The following CTNNA3 variants were observed in gnomAD, a reference collection of about 807,000 sequenced individuals.
CTNNA3 encodes the protein catenin alpha 3, also known as catenin alpha-3.
Under a neutral mutation model 95.7 loss-of-function variants are expected in CTNNA3, and 76 were observed. The observed-to-expected ratio is 0.79, with a 90% CI of 0.66 to 0.96. The LOEUF is 0.96. CTNNA3 is among the 40% of genes least tolerant of loss of function. The probability of loss-of-function intolerance (pLI) is 0.00; values close to 1 mark genes in which losing one functional copy is unlikely to be tolerated. For synonymous variants in CTNNA3, 431 were observed against 374.4 expected, an observed-to-expected ratio of 1.15 and a Z score of -1.74; for missense variants, 1,191 against 1,089.8, an observed-to-expected ratio of 1.09 and a Z score of -1.31.
intron 7 of CTNNA3, among the ~76,000 whole-genome samples, chr10:67,053,426 A>T (rs1855234403): frequency 6.6e-6 from 1 of 152,186 alleles, no homozygotes; most frequent in Non-Finnish European, 1.5e-5. Context: ...GAACATTTTT[A>T]TAATGTACTC....
rs188418108 is a variant in CTNNA3, at chr10:67,043,848, G to T, written c.1047+136469C>A. Reference sequence around the variant, plus strand: ...TACAGTGAGGACTACTTTTTTTTCTGTTTACTTCTATATGCCCAACATTCT... The same window carrying T: ...TACAGTGAGGACTACTTTTTTTTCTTTTTACTTCTATATGCCCAACATTCT... On this transcript the variant is annotated intron_variant, in intron 7 of 17. Transcript: ENST00000433211. Among the ~76,000 whole-genome samples, 33 of 151,374 alleles carry T rather than the reference G, an allele frequency of 2.2e-4. 1 individual carries two copies. The highest frequency in any genetic ancestry group is 6.8e-4 in the African/African-American group (28 of 41,296).
intron 3 of CTNNA3, among the ~76,000 whole-genome samples, chr10:67,581,963 G>T (rs1474524376): frequency 2.0e-5 from 3 of 151,364 alleles, no homozygotes; most frequent in Admixed American, 1.3e-4. Context: ...TTCTTTATTT[G>T]TCTTGATAGC....
At chr10:66,831,485 C>T (rs1190279027) in intron 7 of CTNNA3, among the ~76,000 whole-genome samples, 1 of 152,208 alleles carries the variant, frequency 6.6e-6, no homozygotes, top group East Asian at 1.9e-4. Flanking sequence ...CCTTACCTCT[C>T]AGGTTTGAAA....
intron 5 of CTNNA3, among the ~76,000 whole-genome samples, chr10:67,393,810 A>C (rs996176934): frequency 6.6e-6 from 1 of 152,174 alleles, no homozygotes; most frequent in Non-Finnish European, 1.5e-5. Context: ...GTTTCTACTA[A>C]AAAATAAAAA....
chr10:66,941,454 A>G (rs1847989505), intron 7 of CTNNA3, among the ~76,000 whole-genome samples: 1 of 152,236 alleles, frequency 6.6e-6, no homozygotes, highest in Non-Finnish European at 1.5e-5. Flanking sequence ...TAAAATTTAC[A>G]AATAAATCTT....
intron 15 of CTNNA3, among the ~76,000 whole-genome samples, chr10:66,014,588 A>G (rs1184049191): frequency 6.6e-6 from 1 of 152,186 alleles, no homozygotes; most frequent in African/African-American, 2.4e-5. Context: ...TTGGTCTAGT[A>G]TAAGTACTGT....
intron 5 of CTNNA3, among the ~76,000 whole-genome samples, chr10:67,360,389 C>T (rs1171747145): frequency 2.7e-5 from 4 of 147,008 alleles, no homozygotes; most frequent in Non-Finnish European, 6.0e-5. Context: ...ATAGATGCCC[C>T]ATCTAAAAGG....
chr10:66,739,305 G>A (rs973323176), intron 9 of CTNNA3, among the ~76,000 whole-genome samples: 2 of 152,186 alleles, frequency 1.3e-5, no homozygotes, highest in Non-Finnish European at 2.9e-5. Context: ...TAATAGGACT[G>A]TGGTGGATCC....
chr10:66,621,965 A>AG (rs1844766629), intron 9 of CTNNA3, among the ~76,000 whole-genome samples, 181 bp from the exon 10 acceptor site: 2 of 152,154 alleles, frequency 1.3e-5, no homozygotes, highest in Non-Finnish European at 2.9e-5. Flanking sequence ...AGCAAATAAC[A>AG]ATAAAAGGAC....
chr10:67,035,966 T>C (rs1027169999), intron 7 of CTNNA3, among the ~76,000 whole-genome samples: 2 of 152,172 alleles, frequency 1.3e-5, no homozygotes, highest in Non-Finnish European at 2.9e-5. Context: ...TGCTTTTCTT[T>C]TTTGACAAAA....
chr10:66,651,674 G>A (rs1004537379), intron 9 of CTNNA3, among the ~76,000 whole-genome samples: 16 of 150,656 alleles, frequency 1.1e-4, no homozygotes, highest in East Asian at 9.8e-4. Context: ...ACTGCTGGGG[G>A]ACCCAGCGCA....
At chr10:65,962,013 A>T (rs967711658) in intron 17 of CTNNA3, among the ~76,000 whole-genome samples, 2 of 152,152 alleles carry the variant, frequency 1.3e-5, no homozygotes, top group Admixed American at 6.5e-5. Context: ...GCCCATTCGC[A>T]GACTCACTTT....
At chr10:67,605,366 G>A (rs966275895) in intron 3 of CTNNA3, among the ~76,000 whole-genome samples, 1 of 152,140 alleles carries the variant, frequency 6.6e-6, no homozygotes, top group African/African-American at 2.4e-5. Flanking sequence ...CAGGGGCTGG[G>A]GGCAGGAGTG....
At chr10:67,513,036 G>A (rs1039019286) in intron 5 of CTNNA3, among the ~76,000 whole-genome samples, 2 of 152,088 alleles carry the variant, frequency 1.3e-5, no homozygotes, top group African/African-American at 4.8e-5. Context: ...AGGCACTACT[G>A]AATTATTTTC....
At chr10:66,319,861 G>C (rs1306781461) in intron 12 of CTNNA3, among the ~76,000 whole-genome samples, 2 of 152,076 alleles carry the variant, frequency 1.3e-5, no homozygotes, top group African/African-American at 4.8e-5. Flanking sequence ...CTAAGAAAGG[G>C]CATGAATTAA....
chr10:66,655,669 A>C (rs1435488591), intron 9 of CTNNA3, among the ~76,000 whole-genome samples: 1 of 152,078 alleles, frequency 6.6e-6, no homozygotes, highest in Non-Finnish European at 1.5e-5. Flanking sequence ...TAGGAGGACA[A>C]TTCTGATAGT....
At chr10:66,397,333 C>T (rs1303125225) in intron 11 of CTNNA3, among the ~76,000 whole-genome samples, 1 of 151,592 alleles carries the variant, frequency 6.6e-6, no homozygotes, top group Non-Finnish European at 1.5e-5. Context: ...AGCAAACTAC[C>T]ATTTATTAAC....
intron 4 of CTNNA3, among the ~76,000 whole-genome samples, chr10:67,528,838 G>T (rs895225983): frequency 1.1e-4 from 17 of 152,082 alleles, no homozygotes; most frequent in African/African-American, 4.1e-4. Flanking sequence ...GAGATAACTG[G>T]AAAGATGCTG....
chr10:66,689,866 C>G (rs1847451618), intron 9 of CTNNA3, among the ~76,000 whole-genome samples: 1 of 152,146 alleles, frequency 6.6e-6, no homozygotes, highest in Admixed American at 6.5e-5. Flanking sequence ...TGGGATTTCA[C>G]AGTATTCCTA....
Sources: allele counts gnomAD v4.1 joint callset (sites outside exome capture counted in the v4.1 genomes callset), GRCh38; gene constraint gnomAD v4.1.1; transcripts MANE v1.5; gene names NCBI Gene and HGNC (gene_info 2026-07-23, HGNC 2026-07-21).